PCSK5: variants seen among roughly 807,000 people sequenced by gnomAD.
The protein encoded by PCSK5 is prohormone convertase 5.
In PCSK5, 129 loss-of-function variants were observed where a neutral mutation model predicts 233.2. That is an observed-to-expected ratio of 0.55 (90% CI 0.48 to 0.64). The LOEUF (loss-of-function observed/expected upper bound fraction) is 0.64. Ranked by LOEUF, PCSK5 falls within the 30% of genes least tolerant of loss-of-function variation. PCSK5 has a pLI of 0.00. For synonymous variants in PCSK5, 825 were observed against 879.2 expected (o/e 0.94, Z 1.09); for missense variants, 2,076 against 2,430.1 (o/e 0.85, Z 3.06).
chr9:76,291,787 T>C (rs140299075), intron 24 of PCSK5, among the ~76,000 whole-genome samples: 253 of 152,120 alleles, frequency 1.7e-3, no homozygotes, highest in African/African-American at 5.8e-3. Flanking sequence ...TTCGAAGGAG[T>C]GCCCCAAATG....
intron 29 of PCSK5, among the ~76,000 whole-genome samples, chr9:76,309,528 T>G (rs1828800571): frequency 6.6e-6 from 1 of 152,096 alleles, no homozygotes. Flanking sequence ...TCCCCGTCTC[T>G]ACTAAAAATA....
At chr9:76,317,974 T>C (rs1235849779) in intron 30 of PCSK5, among the ~76,000 whole-genome samples, 1 of 152,116 alleles carries the variant, frequency 6.6e-6, no homozygotes, top group Non-Finnish European at 1.5e-5. Flanking sequence ...GTTGGGATGG[T>C]TTGTGGCACA....
chr9:76,163,573 A>G (rs376979194), intron 12 of PCSK5, among the ~76,000 whole-genome samples: 12 of 145,276 alleles, frequency 8.3e-5, no homozygotes, highest in South Asian at 7.1e-4. Context: ...CTGCCCTCCC[A>G]CCCTCTTGGT....
chr9:76,278,929 T>C (rs1467154207), intron 24 of PCSK5, among the ~76,000 whole-genome samples: 1 of 152,180 alleles, frequency 6.6e-6, no homozygotes, highest in African/African-American at 2.4e-5. Flanking sequence ...TTTTTTATTA[T>C]ACTTTAAGTT....
intron 5 of PCSK5, among the ~76,000 whole-genome samples, chr9:76,059,342 G>A (rs1473857343): frequency 6.6e-6 from 1 of 152,136 alleles, no homozygotes; most frequent in Admixed American, 6.5e-5. Flanking sequence ...TTCTTTTGCT[G>A]TGCAGAAGCT....
chr9:76,284,645 G>T (rs1247471002), intron 24 of PCSK5, among the ~76,000 whole-genome samples: 1 of 148,076 alleles, frequency 6.8e-6, no homozygotes, highest in Non-Finnish European at 1.5e-5. Flanking sequence ...TGATTCTCCT[G>T]CCTCAACCTC....
intron 24 of PCSK5, among the ~76,000 whole-genome samples, chr9:76,267,043 C>T (rs1311011511): frequency 1.3e-5 from 2 of 152,168 alleles, no homozygotes; most frequent in East Asian, 3.9e-4. Context: ...TAGCTTATCA[C>T]CTGCCAATCT....
intron 7 of PCSK5, among the ~76,000 whole-genome samples, chr9:76,091,899 G>T (rs1301397497): frequency 1.3e-5 from 2 of 152,100 alleles, no homozygotes; most frequent in African/African-American, 4.8e-5. Flanking sequence ...CAAATTATCT[G>T]TTCGACACAA....
At chr9:75,974,362 G>A (rs572658349) in intron 2 of PCSK5, among the ~76,000 whole-genome samples, 25 of 152,278 alleles carry the variant, frequency 1.6e-4, no homozygotes, top group African/African-American at 5.8e-4. Context: ...TGGAAGCCCC[G>A]ACAGTGGTTT....
chr9:76,080,193 C>T (rs934363050), intron 7 of PCSK5, among the ~76,000 whole-genome samples: 1 of 152,164 alleles, frequency 6.6e-6, no homozygotes, highest in Non-Finnish European at 1.5e-5. Context: ...TCCACCCCAG[C>T]AATCCACTGA....
intron 24 of PCSK5, among the ~76,000 whole-genome samples, chr9:76,250,250 C>T (rs142658977): frequency 0.017 from 2,587 of 152,186 alleles, 63 homozygotes; most frequent in African/African-American, 0.058. Context: ...TGCAGTGAGC[C>T]GAGATGGCAC....
At position 76,227,556 on chromosome 9, in the gene PCSK5, A is replaced by T. The variant is rs774174534; in HGVS notation, c.2680A>T (p.Lys894Ter). ...CCAGACCTGTGAGGCCTCATGTGCC[A>T]AGTGCCAGGGACCAACCCAGGAAGA... ...HCQTCEASCA[K>*]CQGPTQEDCT... The change falls in exon 21 of 38, where the codon AAG becomes TAG. Residue 894 changes from lysine to a stop codon, truncating the protein, a stop_gained. Transcript: ENST00000674117. LOFTEE classifies it high-confidence loss of function. The T allele has an allele frequency of 6.2e-7, 1 of 1,612,280 alleles. No homozygotes were observed. Among genetic ancestry groups the T allele is most frequent in the Non-Finnish European group, 8.5e-7 (1 of 1,179,690 alleles).
chr9:75,929,333 A>G (rs1354652272), intron 1 of PCSK5, among the ~76,000 whole-genome samples: 2 of 152,250 alleles, frequency 1.3e-5, no homozygotes, highest in African/African-American at 4.8e-5. Context: ...TGAGCAAAAC[A>G]GATGTTTTCC....
chr9:76,228,880 T>C (rs1825983197), intron 21 of PCSK5, among the ~76,000 whole-genome samples: 1 of 152,186 alleles, frequency 6.6e-6, no homozygotes, highest in Admixed American at 6.5e-5. Context: ...TGTGGTGTGT[T>C]TTTTCCTTTA....
At chr9:76,157,648 A>G (rs1822653683) in intron 11 of PCSK5, among the ~76,000 whole-genome samples, 2 of 151,886 alleles carry the variant, frequency 1.3e-5, no homozygotes. Context: ...CTATCTTAGT[A>G]GGCTTATTAG....
intron 20 of PCSK5, among the ~76,000 whole-genome samples, chr9:76,216,517 G>A (rs201120552): frequency 2.0e-5 from 3 of 152,280 alleles, no homozygotes; most frequent in South Asian, 2.1e-4. Flanking sequence ...ACTCTCAAGA[G>A]CTTCCTCCAT....
At chr9:76,352,857 A>G (rs1830201574) in intron 36 of PCSK5, among the ~76,000 whole-genome samples, 1 of 149,344 alleles carries the variant, frequency 6.7e-6, no homozygotes, top group East Asian at 2.0e-4. Context: ...AGCCTGGGCA[A>G]CATGGTGAAA....
chr9:76,340,333 T>TA (rs1829793169), intron 35 of PCSK5, among the ~76,000 whole-genome samples: 1 of 152,052 alleles, frequency 6.6e-6, no homozygotes, highest in African/African-American at 2.4e-5. Flanking sequence ...TTTTGCAAAT[T>TA]AAAAAATGTT....
At chr9:76,096,645 A>C (rs894327289) in intron 8 of PCSK5, among the ~76,000 whole-genome samples, 8 of 149,410 alleles carry the variant, frequency 5.4e-5, no homozygotes, top group Non-Finnish European at 8.9e-5. Flanking sequence ...ACTGTTGCCC[A>C]GGCTGGAGGG....
Sources: allele counts gnomAD v4.1 joint callset (sites outside exome capture counted in the v4.1 genomes callset), GRCh38; gene constraint gnomAD v4.1.1; transcripts MANE v1.5; gene names NCBI Gene and HGNC (gene_info 2026-07-23, HGNC 2026-07-21).